Variants in UBE2E1 observed in about 807,000 individuals in gnomAD.
The protein encoded by UBE2E1 is ubiquitin-conjugating enzyme E2 E1.
UBE2E1 carries 6 observed loss-of-function variants against 21.4 expected under a neutral mutation model. The observed-to-expected ratio is 0.28, with a 90% CI of 0.15 to 0.55. UBE2E1 has a LOEUF of 0.55. Among genes scored for constraint, UBE2E1 ranks in the 20% least tolerant of loss-of-function variants. The pLI, the probability that UBE2E1 is intolerant of heterozygous loss-of-function variation, is 0.93. For missense variants in UBE2E1, 142 were observed against 236.5 expected (o/e 0.60, Z 2.62); for synonymous variants, 87 against 82.7 (o/e 1.05, Z -0.28).
chr3:23,827,125 C>A (rs1699774808), intron 3 of UBE2E1, among the ~76,000 whole-genome samples: 1 of 151,512 alleles, frequency 6.6e-6, no homozygotes, highest in African/African-American at 2.4e-5. Flanking sequence ...GACAAAATTT[C>A]AATGCAGACA....
chr3:23,850,945 C>G (rs997205865), intron 3 of UBE2E1, among the ~76,000 whole-genome samples: 8 of 151,758 alleles, frequency 5.3e-5, no homozygotes, highest in Non-Finnish European at 1.0e-4. Context: ...CTCAGCCTCC[C>G]AAAGTGCTGG....
At chr3:23,873,802 G>C (rs1700856219) in intron 3 of UBE2E1, among the ~76,000 whole-genome samples, 1 of 152,208 alleles carries the variant, frequency 6.6e-6, no homozygotes, top group Non-Finnish European at 1.5e-5. Context: ...CCAGTGCAGG[G>C]AGGTGTTCTG....
At chr3:23,869,712 G>A (rs1410655540) in intron 3 of UBE2E1, among the ~76,000 whole-genome samples, 1 of 114,290 alleles carries the variant, frequency 8.7e-6, no homozygotes, top group South Asian at 3.2e-4. Context: ...GCAATATAGT[G>A]AGACCCTGTG....
intron 3 of UBE2E1, among the ~76,000 whole-genome samples, chr3:23,832,986 T>G (rs1699901131): frequency 6.6e-6 from 1 of 152,148 alleles, no homozygotes; most frequent in African/African-American, 2.4e-5. Flanking sequence ...GTGAGCTGTG[T>G]TTGTGCCATT....
rs1699351514 is a variant in UBE2E1 at position 23,810,062 on chromosome 3, T to C, written c.153-1398T>C. 6.6e-6 allele frequency among the ~76,000 whole-genome samples: 1 copy of C among 152,172 alleles called. No homozygotes were observed. On this transcript the variant is annotated intron_variant, in intron 2 of 5. Coordinates refer to ENST00000306627, the MANE Select transcript of UBE2E1 (RefSeq NM_003341.5). This position sits in a 1 kb window ranked among gnomAD's most constrained non-coding sequence, Gnocchi z 5.8. ...TCCTTAAAACCTGTTCCTCATTACA[T>C]ATAGCTCGTCCGTCCTCCTACCCGC...
intron 3 of UBE2E1, among the ~76,000 whole-genome samples, chr3:23,854,367 T>G (rs1700391717): frequency 6.6e-6 from 1 of 152,180 alleles, no homozygotes; most frequent in Admixed American, 6.5e-5. Context: ...TTTTTAAAGC[T>G]TACCTCTTTT....
At chr3:23,829,819 A>T (rs923808183) in intron 3 of UBE2E1, among the ~76,000 whole-genome samples, 2 of 152,354 alleles carry the variant, frequency 1.3e-5, no homozygotes, top group South Asian at 4.1e-4. Context: ...GAAGCAGATA[A>T]AAGGAGAAAG....
At chr3:23,886,088 C>A (rs1178850239) in intron 3 of UBE2E1, among the ~76,000 whole-genome samples, 2 of 152,076 alleles carry the variant, frequency 1.3e-5, no homozygotes, top group East Asian at 3.8e-4. Context: ...GTAGTCTCGG[C>A]TACTCAGGTG....
chr3:23,873,739 C>T (rs1019726971), intron 3 of UBE2E1, among the ~76,000 whole-genome samples: 29 of 152,248 alleles, frequency 1.9e-4, no homozygotes, highest in Admixed American at 1.7e-3. Flanking sequence ...GAGCGAGACT[C>T]CGTCTCAAGA....
intron 3 of UBE2E1, among the ~76,000 whole-genome samples, chr3:23,817,500 G>A (rs931678975): frequency 3.3e-5 from 5 of 151,714 alleles, no homozygotes; most frequent in Non-Finnish European, 7.4e-5. Context: ...GTTAAGACAT[G>A]CACACACATA....
At chr3:23,889,364 G>A in intron 5 of UBE2E1, 105 bp downstream of exon 5, 4 of 1,566,402 alleles carry the variant, frequency 2.6e-6, no homozygotes, top group Non-Finnish European at 3.4e-6. Flanking sequence ...ACAAGTTTGT[G>A]AATACAAAAA....
intron 3 of UBE2E1, among the ~76,000 whole-genome samples, chr3:23,851,764 C>T (rs1313939264): frequency 6.6e-6 from 1 of 152,130 alleles, no homozygotes; most frequent in East Asian, 1.9e-4. Context: ...CACTGCACTT[C>T]AGCCTGGGTG....
rs1002846383 is a variant in UBE2E1 at position 23,816,179 on chromosome 3, G to C, written c.203+4669G>C. On this transcript the variant is annotated intron_variant, in intron 3 of 5. Coordinates refer to ENST00000306627, the MANE Select transcript of UBE2E1 (RefSeq NM_003341.5). The surrounding 1 kb of genome is among the most constrained non-coding windows in gnomAD (Gnocchi z 4.8). ...CTAAACAGAATTACCGTATGACCCA[G>C]TAATTTTACTGCTATCTATGTACCC... Among the ~76,000 whole-genome samples, 2 of 152,152 alleles carry C rather than the reference G, an allele frequency of 1.3e-5. No individual in the cohort carries two copies. Among genetic ancestry groups the C allele is most frequent in the Non-Finnish European group, 2.9e-5 (2 of 68,036 alleles).
chr3:23,865,384 C>CT (rs1700634658), intron 3 of UBE2E1, among the ~76,000 whole-genome samples: 1 of 152,210 alleles, frequency 6.6e-6, no homozygotes, highest in Admixed American at 6.5e-5. Context: ...GAGTTTCACT[C>CT]TGTCACTCAC....
chr3:23,832,335 C>T (rs1341262393), intron 3 of UBE2E1, among the ~76,000 whole-genome samples: 2 of 152,060 alleles, frequency 1.3e-5, no homozygotes, highest in East Asian at 3.9e-4. Flanking sequence ...GGGAGGAGAC[C>T]TGTAAAGAAA....
intron 3 of UBE2E1, among the ~76,000 whole-genome samples, chr3:23,860,310 G>A (rs147314553): frequency 1.7e-4 from 26 of 152,236 alleles, no homozygotes; most frequent in African/African-American, 6.0e-4. Context: ...TTAGCTGTTC[G>A]GCTAGACAAA....
chr3:23,830,582 C>T (rs957594259), intron 3 of UBE2E1, among the ~76,000 whole-genome samples: 6 of 152,110 alleles, frequency 3.9e-5, no homozygotes, highest in African/African-American at 9.7e-5. Flanking sequence ...TGTAGAAGCT[C>T]CTTATGAGAG....
At position 23,842,201 on chromosome 3, in the gene UBE2E1, GTGTGTGTGTGT is replaced by G. The variant is rs1700101723; in HGVS notation, c.203+30692_203+30702del. 2.1e-5 allele frequency among the ~76,000 whole-genome samples: 2 copies of G among 93,998 alleles called. No individual in the cohort carries two copies. The highest frequency in any genetic ancestry group is 4.3e-5 in the Non-Finnish European group (2 of 46,682). 61.7% of individuals were successfully genotyped at this position (93,998 alleles called of 152,430 possible). A position where few individuals can be genotyped will look rare whatever the true frequency, so the allele number is the denominator to read the frequency against. On this transcript the variant is annotated intron_variant, in intron 3 of 5. Transcript: ENST00000306627. The surrounding 1 kb of genome is among the most constrained non-coding windows in gnomAD (Gnocchi z 4.6). Reference sequence around the variant, plus strand: ...GTCATGACCCAGTAAGTGAAGGGGTGTGTGTGTGTGTGTGTGTGTGTGTGTGTGTGTGTGTG... The same window carrying G: ...GTCATGACCCAGTAAGTGAAGGGGTGGTGTGTGTGTGTGTGTGTGTGTGTG...
chr3:23,839,064 C>T (rs1042547127), intron 3 of UBE2E1, among the ~76,000 whole-genome samples: 9 of 152,122 alleles, frequency 5.9e-5, no homozygotes, highest in Non-Finnish European at 1.0e-4. Context: ...AACAATCCCT[C>T]TCCCAGCATT....
Sources: gnomAD v4.1 joint callset for allele counts (sites outside exome capture counted in the v4.1 genomes callset) on GRCh38, gnomAD v4.1.1 for gene constraint, Gnocchi (gnomAD v3.1) non-coding constraint, MANE v1.5 for transcripts, NCBI Gene and HGNC (gene_info 2026-07-23, HGNC 2026-07-21) for gene names.